The following PABPC4L variants were observed in gnomAD, a reference collection of about 807,000 sequenced individuals.
PABPC4L encodes poly(A) binding protein cytoplasmic 4 like, also known as polyadenylate-binding protein 4-like.
For synonymous variants in PABPC4L, 169 were observed against 164.1 expected (o/e 1.03, Z -0.23); for missense variants, 452 against 451.4 (o/e 1.00, Z -0.01).
At chr4:133,996,116 G>A in the PABPC4L span, among the ~76,000 whole-genome samples, 1 of 152,108 alleles carries the variant, frequency 6.6e-6, no homozygotes, top group African/African-American at 2.4e-5. Flanking sequence ...ATTGCAGGAG[G>A]GGGCTCAGGC....
At chr4:134,163,422 G>A in the PABPC4L span, among the ~76,000 whole-genome samples, 1 of 152,162 alleles carries the variant, frequency 6.6e-6, no homozygotes, top group East Asian at 1.9e-4. Context: ...AATTCTACCA[G>A]ACATTCAAAT....
chr4:134,004,456 C>T, the PABPC4L span, among the ~76,000 whole-genome samples: 1 of 151,674 alleles, frequency 6.6e-6, no homozygotes, highest in East Asian at 1.9e-4. Flanking sequence ...ATTTCACATT[C>T]ATAATAATAG....
the PABPC4L span, among the ~76,000 whole-genome samples, chr4:133,963,104 A>T: frequency 4.6e-5 from 7 of 152,166 alleles, no homozygotes; most frequent in Non-Finnish European, 8.8e-5. Flanking sequence ...GACTCATCTA[A>T]CACATAAGGA....
At chr4:134,191,318 G>A in the PABPC4L span, among the ~76,000 whole-genome samples, 3 of 151,996 alleles carry the variant, frequency 2.0e-5, no homozygotes, top group Non-Finnish European at 4.4e-5. Context: ...TACATGACTG[G>A]AACAACAGTA....
chr4:134,076,621 G>A, the PABPC4L span, among the ~76,000 whole-genome samples: 1 of 152,074 alleles, frequency 6.6e-6, no homozygotes, highest in African/African-American at 2.4e-5. Flanking sequence ...GACTGATGGA[G>A]GTAATCTTTG....
chr4:134,060,346 A>G, the PABPC4L span, among the ~76,000 whole-genome samples: 1 of 151,788 alleles, frequency 6.6e-6, no homozygotes, highest in South Asian at 2.1e-4. Context: ...CCATGACCTA[A>G]TGAGACACCA....
the PABPC4L span, among the ~76,000 whole-genome samples, chr4:134,090,585 C>G: frequency 6.6e-6 from 1 of 151,774 alleles, no homozygotes; most frequent in Non-Finnish European, 1.5e-5. Context: ...GGCAACATAG[C>G]GAGACCCCAT....
chr4:134,110,457 T>C, the PABPC4L span, among the ~76,000 whole-genome samples: 2 of 151,820 alleles, frequency 1.3e-5, no homozygotes, highest in Non-Finnish European at 2.9e-5. Flanking sequence ...AGGATAAATA[T>C]ATGCAGGGAA....
chr4:133,993,640 T>A, the PABPC4L span, among the ~76,000 whole-genome samples: 1 of 152,216 alleles, frequency 6.6e-6, no homozygotes, highest in Non-Finnish European at 1.5e-5. Flanking sequence ...GCTGGCAATC[T>A]GGGCATTGCA....
chr4:134,184,406 C>A, the PABPC4L span, among the ~76,000 whole-genome samples: 1 of 151,948 alleles, frequency 6.6e-6, no homozygotes, highest in African/African-American at 2.4e-5. Context: ...ACAGACTGGG[C>A]TTCCTCCCCA....
At chr4:134,049,594 C>A in the PABPC4L span, among the ~76,000 whole-genome samples, 1 of 152,090 alleles carries the variant, frequency 6.6e-6, no homozygotes, top group African/African-American at 2.4e-5. Context: ...GAGTAACAGG[C>A]AATTCATCAT....
chr4:134,085,027 C>A, the PABPC4L span, among the ~76,000 whole-genome samples: 1 of 152,208 alleles, frequency 6.6e-6, no homozygotes, highest in South Asian at 2.1e-4. Context: ...ACAGCAGAGG[C>A]CAGGCTCCTC....
At chr4:134,045,783 G>A in the PABPC4L span, among the ~76,000 whole-genome samples, 5 of 152,044 alleles carry the variant, frequency 3.3e-5, no homozygotes, top group East Asian at 9.6e-4. Flanking sequence ...TGAGCATGCT[G>A]AATGTCTGGC....
downstream of PABPC4L, among the ~76,000 whole-genome samples, chr4:134,192,568 AT>A (rs1729539266): frequency 6.6e-6 from 1 of 152,130 alleles, no homozygotes; most frequent in Admixed American, 6.6e-5. Context: ...ATCTATGATA[AT>A]TTTTATAGTG....
the PABPC4L span, among the ~76,000 whole-genome samples, chr4:134,013,419 C>G: frequency 6.6e-6 from 1 of 152,096 alleles, no homozygotes; most frequent in Admixed American, 6.6e-5. Flanking sequence ...TATGGGCAAG[C>G]TTCCACCTTC....
the PABPC4L span, among the ~76,000 whole-genome samples, chr4:134,141,886 AT>A: frequency 6.6e-6 from 1 of 151,712 alleles, no homozygotes; most frequent in Non-Finnish European, 1.5e-5. Context: ...ACATAAAAAA[AT>A]CTCATAAATG....
the PABPC4L span, among the ~76,000 whole-genome samples, chr4:134,004,935 G>T: frequency 6.6e-6 from 1 of 151,922 alleles, no homozygotes; most frequent in Non-Finnish European, 1.5e-5. Flanking sequence ...AAGTACATTG[G>T]TGGTTGTACT....
chr4:134,170,155 T>C, the PABPC4L span, among the ~76,000 whole-genome samples: 1 of 152,156 alleles, frequency 6.6e-6, no homozygotes, highest in East Asian at 1.9e-4. Context: ...TTTCTGTTCC[T>C]GCATTACTTG....
At chr4:133,960,524 C>T in the PABPC4L span, among the ~76,000 whole-genome samples, 2 of 152,164 alleles carry the variant, frequency 1.3e-5, no homozygotes, top group African/African-American at 4.8e-5. Flanking sequence ...AGGAAGTCTT[C>T]AGTTGAACTT....
Sources: gnomAD v4.1 joint callset for allele counts (sites outside exome capture counted in the v4.1 genomes callset) on GRCh38, gnomAD v4.1.1 for gene constraint, MANE v1.5 for transcripts, NCBI Gene and HGNC (gene_info 2026-07-23, HGNC 2026-07-21) for gene names.